The following KCNQ1OT1 variants were observed in gnomAD, a reference collection of about 807,000 sequenced individuals.
KCNQ1OT1 encodes KCNQ1 antisense RNA 2 (non-protein coding).
rs1017583304 is a variant in KCNQ1OT1 at position 2,626,490 on chromosome 11, A to G, written n.73505T>C. On this transcript the variant is annotated non_coding_transcript_exon_variant, in exon 1 of 1. Coordinates refer to ENST00000597346, the Ensembl canonical transcript of KCNQ1OT1. The surrounding 1 kb of genome is among the most constrained non-coding windows in gnomAD (Gnocchi z 4.0). The stretch of plus-strand genomic sequence containing the variant: ...CATTGGTCTCTACATCTTTATGTCA[A>G]TACCACATAGTTTTGATTACTGTAG... 1.1e-4 allele frequency: 44 copies of G among 398,460 alleles called. No individual in the cohort carries two copies. The highest frequency in any genetic ancestry group is 6.2e-4 in the Admixed American group (14 of 22,704). 24.7% of individuals were successfully genotyped at this position (398,460 alleles called of 1,614,324 possible). A position where few individuals can be genotyped will look rare whatever the true frequency, so the allele number is the denominator to read the frequency against.
chr11:2,675,989 C>T (rs1045645709), exon 1 of KCNQ1OT1: 2 of 398,514 alleles, frequency 5.0e-6, no homozygotes, highest in African/African-American at 4.1e-5. Context: ...CTCTCCCCAC[C>T]CAACCCTAAT....
exon 1 of KCNQ1OT1, chr11:2,639,833 G>C (rs1339819615): frequency 6.6e-6 from 1 of 152,576 alleles, no homozygotes; most frequent in Non-Finnish European, 1.5e-5. Flanking sequence ...AGGCAGGCAG[G>C]CCTCCTTGAG....
chr11:2,659,767 C>T lies in KCNQ1OT1; in HGVS notation n.40228G>A, dbSNP rs1237790564. ...CATCCTCAAGAGTGGTTGGTATTGT[C>T]AGGTTTTGAATTTTTTTTTTAATTT... On this transcript the variant is annotated non_coding_transcript_exon_variant, in exon 1 of 1. Coordinates refer to ENST00000597346, the Ensembl canonical transcript of KCNQ1OT1. This position sits in a 1 kb window ranked among gnomAD's most constrained non-coding sequence, Gnocchi z 4.3. 2.5e-6 allele frequency: 1 copy of T among 398,222 alleles called. No homozygotes were observed. Among genetic ancestry groups the T allele is most frequent in the African/African-American group, 2.1e-5 (1 of 48,594 alleles). The allele number at this position is 398,222 out of a possible 1,614,324, so 24.7% of individuals were successfully genotyped here. A position where few individuals can be genotyped will look rare whatever the true frequency, so the allele number is the denominator to read the frequency against.
exon 1 of KCNQ1OT1, chr11:2,616,144 A>G (rs913827903): frequency 7.5e-6 from 3 of 397,548 alleles, no homozygotes; most frequent in Non-Finnish European, 8.9e-6. Context: ...ACAGTTATTC[A>G]TAGTATTCTT....
rs913151196 is a variant in KCNQ1OT1, at chr11:2,620,064, A to G, written n.79931T>C. ...GTGTCTACTGATCATCTTTATGTCC[A>G]TGTTTACTCAGTGTTTAGGTCCCAC... On this transcript the variant is annotated non_coding_transcript_exon_variant, in exon 1 of 1. Coordinates refer to ENST00000597346, the Ensembl canonical transcript of KCNQ1OT1. This position sits in a 1 kb window ranked among gnomAD's most constrained non-coding sequence, Gnocchi z 4.5. 9.6e-5 allele frequency: 38 copies of G among 397,884 alleles called. No homozygotes were observed. The highest frequency in any genetic ancestry group is 1.2e-3 in the Middle Eastern group (2 of 1,610). 24.6% of individuals were successfully genotyped at this position (397,884 alleles called of 1,614,324 possible). A position where few individuals can be genotyped will look rare whatever the true frequency, so the allele number is the denominator to read the frequency against.
Position 2,654,294 on chromosome 11 carries a change from A to T in KCNQ1OT1, n.45701T>A. The T allele has an allele frequency of 2.5e-6, 1 of 396,892 alleles. No individual in the cohort carries two copies. Among genetic ancestry groups the T allele is most frequent in the Non-Finnish European group, 4.4e-6 (1 of 225,664 alleles). 24.6% of individuals were successfully genotyped at this position (396,892 alleles called of 1,614,324 possible). On this transcript the variant is annotated non_coding_transcript_exon_variant, in exon 1 of 1. Transcript: ENST00000597346. This position sits in a 1 kb window ranked among gnomAD's most constrained non-coding sequence, Gnocchi z 6.4. ...GCAGGGCTTTGGTGAATCCACTGAG[A>T]GGGGGAGATTTCTTGAGGGGGCCAG...
exon 1 of KCNQ1OT1, chr11:2,609,063 ACTTG>A (rs1201757727): frequency 2.5e-6 from 1 of 397,634 alleles, no homozygotes; most frequent in African/African-American, 2.1e-5. Flanking sequence ...TGTTTTTTCT[ACTTG>A]CTTTAGGTTT....
exon 1 of KCNQ1OT1, chr11:2,635,515 G>T (rs1049913513): frequency 1.3e-5 from 2 of 151,986 alleles, no homozygotes; most frequent in Admixed American, 1.3e-4. Context: ...TATTTCTGAG[G>T]GCTCTGTTCT....
At position 2,664,120 on chromosome 11, in the gene KCNQ1OT1, C is replaced by T. The variant is rs1850019764; in HGVS notation, n.35875G>A. 10 of 398,584 alleles carry T rather than the reference C, an allele frequency of 2.5e-5. No individual in the cohort carries two copies. The highest frequency in any genetic ancestry group is 2.2e-4 in the Admixed American group (5 of 22,710). 24.7% of individuals were successfully genotyped at this position (398,584 alleles called of 1,614,324 possible). A position where few individuals can be genotyped will look rare whatever the true frequency, so the allele number is the denominator to read the frequency against. ...CAGTCATTACCCAACCAGGTCCCTGCCCTGTAACTTACCAAGGCCTCTCTC... is the reference window on the plus strand; with the variant it reads ...CAGTCATTACCCAACCAGGTCCCTGTCCTGTAACTTACCAAGGCCTCTCTC... On this transcript the variant is annotated non_coding_transcript_exon_variant, in exon 1 of 1. Transcript: ENST00000597346. The surrounding 1 kb of genome is among the most constrained non-coding windows in gnomAD (Gnocchi z 5.1).
chr11:2,666,692 T>C (rs990527008), exon 1 of KCNQ1OT1: 12 of 398,680 alleles, frequency 3.0e-5, no homozygotes, highest in Non-Finnish European at 4.4e-5. Context: ...CTGGGACATT[T>C]TGGAGACATC....
chr11:2,693,710 T>C (rs1850626850), exon 1 of KCNQ1OT1: 1 of 398,548 alleles, frequency 2.5e-6, no homozygotes, highest in Admixed American at 4.4e-5. Flanking sequence ...TCATGGGCCT[T>C]CCTGGCTGGT....
rs142652707 is a variant in KCNQ1OT1 at position 2,633,610 on chromosome 11, G to A, written n.66385C>T. Reference sequence around the variant, plus strand: ...ATATCCTGTTTTCCCAACATGATGTGTTCAACATGGTGTCCTTTCCCCAGA... The same window carrying A: ...ATATCCTGTTTTCCCAACATGATGTATTCAACATGGTGTCCTTTCCCCAGA... On this transcript the variant is annotated non_coding_transcript_exon_variant, in exon 1 of 1. Transcript: ENST00000597346. The A allele has an allele frequency of 3.4e-4, 134 of 398,478 alleles. No individual in the cohort carries two copies. The highest frequency in any genetic ancestry group is 5.7e-4 in the Admixed American group (13 of 22,720). The allele number at this position is 398,478 out of a possible 1,614,324, so 24.7% of individuals were successfully genotyped here.
chr11:2,633,989 G>C (rs940703676), exon 1 of KCNQ1OT1: 9 of 398,496 alleles, frequency 2.3e-5, no homozygotes, highest in Admixed American at 1.8e-4. Flanking sequence ...TTGTTGAAGA[G>C]TCGACTGTAT....
chr11:2,609,165 A>G (rs1848933494), exon 1 of KCNQ1OT1: 6 of 398,164 alleles, frequency 1.5e-5, no homozygotes, highest in Admixed American at 4.4e-5. Context: ...ATTCATAGCT[A>G]TAAAATTCCA....
chr11:2,692,114 T>A, exon 1 of KCNQ1OT1: 1 of 398,666 alleles, frequency 2.5e-6, no homozygotes, highest in Non-Finnish European at 4.4e-6. Context: ...GCCTCCATCA[T>A]TTTATAGCCC....
At position 2,659,735 on chromosome 11, in the gene KCNQ1OT1, T is replaced by C. The variant is rs1849916868; in HGVS notation, n.40260A>G. On this transcript the variant is annotated non_coding_transcript_exon_variant, in exon 1 of 1. Coordinates refer to ENST00000597346, the Ensembl canonical transcript of KCNQ1OT1. The surrounding 1 kb of genome is among the most constrained non-coding windows in gnomAD (Gnocchi z 4.3). The stretch of plus-strand genomic sequence containing the variant: ...ACCAGTAACATATGAGAGTTCTACA[T>C]GTTCCACATCCTCAAGAGTGGTTGG... The C allele has an allele frequency of 2.5e-6, 1 of 398,428 alleles. No individual in the cohort carries two copies. The highest frequency in any genetic ancestry group is 4.4e-5 in the Admixed American group (1 of 22,722). The allele number at this position is 398,428 out of a possible 1,614,324, so 24.7% of individuals were successfully genotyped here. A position where few individuals can be genotyped will look rare whatever the true frequency, so the allele number is the denominator to read the frequency against.
At position 2,691,707 on chromosome 11, in the gene KCNQ1OT1, G is replaced by T; in HGVS notation, n.8288C>A. On this transcript the variant is annotated non_coding_transcript_exon_variant, in exon 1 of 1. Coordinates refer to ENST00000597346, the Ensembl canonical transcript of KCNQ1OT1. The surrounding 1 kb of genome is among the most constrained non-coding windows in gnomAD (Gnocchi z 6.4). ...AAGGGGTCTCTCCCCATCTGTCCAGGGGAGAGGCAGCCCACAGGGAGCCAC... is the reference window on the plus strand; with the variant it reads ...AAGGGGTCTCTCCCCATCTGTCCAGTGGAGAGGCAGCCCACAGGGAGCCAC... 1 of 398,542 alleles carries T rather than the reference G, an allele frequency of 2.5e-6. No homozygotes were observed. The highest frequency in any genetic ancestry group is 1.3e-4 in the South Asian group (1 of 7,836). The allele number at this position is 398,542 out of a possible 1,614,324, so 24.7% of individuals were successfully genotyped here.
chr11:2,656,180 T>C (rs1849845019), exon 1 of KCNQ1OT1: 2 of 398,526 alleles, frequency 5.0e-6, no homozygotes, highest in African/African-American at 2.1e-5. Context: ...GTTTTTTCTT[T>C]CTTCCTTCCT....
In KCNQ1OT1 at chr11:2,651,359, A is replaced by T; in HGVS notation, n.48636T>A. On this transcript the variant is annotated non_coding_transcript_exon_variant, in exon 1 of 1. Transcript: ENST00000597346. This position sits in a 1 kb window ranked among gnomAD's most constrained non-coding sequence, Gnocchi z 6.1. ...AGCGGCTGAGAGAGCTGGGGTATTT[A>T]TCTTTCACTAGTGAGTGCTGCCCCG... 1 of 398,710 alleles carries T rather than the reference A, an allele frequency of 2.5e-6. No individual in the cohort carries two copies. The highest frequency in any genetic ancestry group is 4.4e-6 in the Non-Finnish European group (1 of 226,120). The allele number at this position is 398,710 out of a possible 1,614,324, so 24.7% of individuals were successfully genotyped here.
Sources: allele counts gnomAD v4.1 joint callset, GRCh38; gene constraint gnomAD v4.1.1; non-coding constraint Gnocchi (gnomAD v3.1); transcripts MANE v1.5; gene names NCBI Gene and HGNC (gene_info 2026-07-23, HGNC 2026-07-21).